FOXP4: variants seen among roughly 807,000 people sequenced by gnomAD.
FOXP4 encodes forkhead box protein P4.
A neutral mutation model predicts 82.6 loss-of-function variants in FOXP4; 25 were observed. That is an observed-to-expected ratio of 0.30 (90% confidence interval 0.22 to 0.42). The LOEUF (loss-of-function observed/expected upper bound fraction) is 0.42. Ranked by LOEUF, FOXP4 falls within the 10% of genes least tolerant of loss-of-function variation. The pLI, the probability that FOXP4 is intolerant of heterozygous loss-of-function variation, is 1.00. For synonymous variants in FOXP4, 415 were observed against 388.2 expected (o/e 1.07, Z -0.81); for missense variants, 785 against 900.9 (o/e 0.87, Z 1.65).
intron 3 of FOXP4, among the ~76,000 whole-genome samples, chr6:41,584,100 C>T (rs1162207920): frequency 6.6e-6 from 1 of 152,236 alleles, no homozygotes; most frequent in Non-Finnish European, 1.5e-5. Context: ...CCACCCCACC[C>T]TAGACATAGC....
chr6:41,567,109 A>G (rs1764928035), intron 2 of FOXP4, among the ~76,000 whole-genome samples: 1 of 152,230 alleles, frequency 6.6e-6, no homozygotes, highest in South Asian at 2.1e-4. Flanking sequence ...AGCCAGCGCT[A>G]AAGCAGGAAT....
chr6:41,564,201 C>T (rs1333478743), intron 1 of FOXP4, among the ~76,000 whole-genome samples: 1 of 152,170 alleles, frequency 6.6e-6, no homozygotes, highest in African/African-American at 2.4e-5. Context: ...TGCCTATAAT[C>T]CCAGCACTTT....
In FOXP4 at chr6:41,587,336, G is replaced by A; in HGVS notation, c.696G>A (p.Lys232=). The A allele has an allele frequency of 6.2e-7, 1 of 1,612,390 alleles. No homozygotes were observed. Among genetic ancestry groups the A allele is most frequent in the Non-Finnish European group, 8.5e-7 (1 of 1,179,218 alleles). ...VCPTDLPQLW[K]GEGAPGQPAE... is the part of the protein sequence containing the mutation. ...CAACAGACCTGCCCCAGCTGTGGAA[G>A]GGCGAGGGTGCCCCCGGGCAGCCTG... Residue 232 remains lysine, a synonymous_variant, in exon 7 of 17, where the codon AAG becomes AAA. Coordinates refer to ENST00000307972, the MANE Select transcript of FOXP4 (RefSeq NM_001012426.2).
chr6:41,586,912 C>T, intron 5 of FOXP4, 97 bp from the exon 6 acceptor site: 1 of 1,455,842 alleles, frequency 6.9e-7, no homozygotes, highest in African/African-American at 1.4e-5. Context: ...CAGGGGCTGA[C>T]AGGCCCTGGG....
rs886927920 is a variant in FOXP4, at chr6:41,595,128, G to A, written c.1658+137G>A. The A allele has an allele frequency of 3.2e-5, 43 of 1,333,246 alleles. 1 individual carries two copies. The South Asian group carries it at 6.0e-4, about 19-fold the overall frequency. 82.6% of individuals were successfully genotyped at this position (1,333,246 alleles called of 1,614,324 possible). ...GGGGAAGGGGTGTGGGGAGAAAGGA[G>A]CAGAGGAGACTAGTGCTTGGGGACA... On this transcript the variant is annotated intron_variant, in intron 14 of 16. Transcript: ENST00000307972.
chr6:41,571,141 T>A (rs1283289443), intron 2 of FOXP4, among the ~76,000 whole-genome samples: 1 of 152,116 alleles, frequency 6.6e-6, no homozygotes, highest in Admixed American at 6.5e-5. Context: ...TTTGCATCAC[T>A]GCCACTCGGT....
At chr6:41,585,570 G>A (rs946436030) in intron 5 of FOXP4, 53 bp downstream of exon 5, 7 of 1,550,656 alleles carry the variant, frequency 4.5e-6, no homozygotes, top group Non-Finnish European at 5.3e-6. Context: ...CCCAGAGCTG[G>A]GTGTCCAGAG....
rs62396713 is a variant in FOXP4, at chr6:41,572,317, C to T, written c.205-5669C>T. ...GCCACACACCCTAGAGCCAGCCAGC[C>T]AGCCAGCCTCCATGGGACACTCGCC... On this transcript the variant is annotated intron_variant, in intron 2 of 16. Coordinates refer to ENST00000307972, the MANE Select transcript of FOXP4 (RefSeq NM_001012426.2). Among the ~76,000 whole-genome samples, 1,283 of 152,258 alleles carry T rather than the reference C, an allele frequency of 8.4e-3. 10 individuals are homozygous for T. The highest frequency in any genetic ancestry group is 0.013 in the Non-Finnish European group (885 of 68,016).
chr6:41,597,906 C>T lies in FOXP4; in HGVS notation c.1851C>T (p.Ser617=), dbSNP rs769760903. Residue 617 remains serine (S), a synonymous_variant, in exon 16 of 17, where the codon AGC becomes AGT. Coordinates refer to ENST00000307972, the MANE Select transcript of FOXP4 (RefSeq NM_001012426.2). ...DVGAPVEPLP[S]NGSSSPPRLS... ...GTGCCCCCGTGGAGCCGCTGCCCAG[C>T]AACGGCAGCAGCAGCCCTCCTCGCC... 2 of 1,583,992 alleles carry T rather than the reference C, an allele frequency of 1.3e-6. No homozygotes were observed. Among genetic ancestry groups the T allele is most frequent in the Non-Finnish European group, 8.5e-7 (1 of 1,171,294 alleles).
intron 1 of FOXP4, among the ~76,000 whole-genome samples, chr6:41,553,580 C>A (rs1764117679): frequency 6.6e-6 from 1 of 152,198 alleles, no homozygotes; most frequent in Non-Finnish European, 1.5e-5. Context: ...CTTCCCCTCC[C>A]CTGGACCCTG....
intron 1 of FOXP4, among the ~76,000 whole-genome samples, chr6:41,563,046 C>A (rs537526305): frequency 6.6e-6 from 1 of 152,246 alleles, no homozygotes; most frequent in African/African-American, 2.4e-5. Context: ...CCTGCCCTTA[C>A]TCCAGCCCAG....
At chr6:41,598,640 G>A in intron 16 of FOXP4, 149 bp from the exon 17 acceptor site, 1 of 1,129,132 alleles carries the variant, frequency 8.9e-7, no homozygotes, top group Non-Finnish European at 1.3e-6. Context: ...AGAGCCCTAG[G>A]GGAGATCAGC....
In FOXP4 at chr6:41,585,482, A is replaced by G. The variant is rs1351528225; in HGVS notation, c.475A>G (p.Thr159Ala). 6 of 1,613,740 alleles carry G rather than the reference A, an allele frequency of 3.7e-6. No homozygotes were observed. Among genetic ancestry groups the G allele is most frequent in the Non-Finnish European group, 5.1e-6 (6 of 1,179,910 alleles). Residue 159 changes from threonine to alanine, a missense_variant, in exon 5 of 17, where the codon ACC becomes GCC. Thr to Ala is a moderately conservative substitution (Grantham distance 58). This residue lies in a region of FOXP4 where 570 missense variants were observed against 634.0 expected (regional missense o/e 0.90). Transcript: ENST00000307972. Reference protein sequence around the residue: ...QQEQLHLQLLTQQQAGKPQPK... With the variant: ...QQEQLHLQLLAQQQAGKPQPK... ...GGAGCAGCTCCACCTGCAGCTCCTCACCCAGCAGCAGGCTGGGAAACCGCA... is the reference window on the plus strand; with the variant it reads ...GGAGCAGCTCCACCTGCAGCTCCTCGCCCAGCAGCAGGCTGGGAAACCGCA...
intron 1 of FOXP4, among the ~76,000 whole-genome samples, chr6:41,560,182 C>T (rs970360686): frequency 6.6e-6 from 1 of 152,146 alleles, no homozygotes; most frequent in Admixed American, 6.6e-5. Context: ...CCAGTAATCC[C>T]AGCACTTTGG....
At chr6:41,549,473 G>C (rs914323123) in intron 1 of FOXP4, among the ~76,000 whole-genome samples, 2 of 152,104 alleles carry the variant, frequency 1.3e-5, no homozygotes, top group Non-Finnish European at 2.9e-5. Flanking sequence ...CTGTAGGCAG[G>C]TAGGTCCCTT....
intron 2 of FOXP4, among the ~76,000 whole-genome samples, chr6:41,572,164 C>T (rs913565769): frequency 6.6e-6 from 1 of 152,228 alleles, no homozygotes; most frequent in Non-Finnish European, 1.5e-5. Context: ...ACTGGCTTTT[C>T]AATTCATAAT....
At chr6:41,598,070 CA>C in intron 16 of FOXP4, 120 bp downstream of exon 16, 1 of 795,426 alleles carries the variant, frequency 1.3e-6, no homozygotes, top group South Asian at 2.0e-5. Flanking sequence ...CTCCCCAGGA[CA>C]AGTGGCTTCT....
intron 13 of FOXP4, among the ~76,000 whole-genome samples, chr6:41,592,905 T>G (rs557373117): frequency 1.3e-5 from 2 of 152,256 alleles, no homozygotes; most frequent in East Asian, 3.9e-4. Flanking sequence ...TTCCTCCTAG[T>G]TCTTCACCCC....
chr6:41,598,880 G>T lies in FOXP4; in HGVS notation c.1987G>T (p.Gly663Trp). ...PLGAPNPSAS[G>W]PPEDRDLEEE... ...GGGCGCCCCTAACCCCAGCGCCTCG[G>T]GGCCTCCGGAAGACAGGGACCTGGA... is the stretch of plus-strand genomic sequence containing the variant. Residue 663 changes from glycine to tryptophan, a missense_variant, in exon 17 of 17, where the codon GGG becomes TGG. Around this residue, in one of 3 missense-constraint regions of FOXP4, gnomAD observed 184 missense variants for 187.3 expected, o/e 0.98. Transcript: ENST00000307972. 6.2e-7 allele frequency: 1 copy of T among 1,604,352 alleles called. No homozygotes were observed.
Sources: gnomAD v4.1 joint callset for allele counts (sites outside exome capture counted in the v4.1 genomes callset) on GRCh38, gnomAD v4.1.1 for gene constraint, gnomAD v4.1.1 regional missense constraint, MANE v1.5 for transcripts, NCBI Gene and HGNC (gene_info 2026-07-23, HGNC 2026-07-21) for gene names.